Variants in TRPC7 observed in about 807,000 individuals in gnomAD.
TRPC7 encodes transient receptor potential cation channel subfamily C member 7, also known as short transient receptor potential channel 7.
In TRPC7, 42 loss-of-function variants were observed where a neutral mutation model predicts 90.1. The observed-to-expected ratio is 0.47, with a 90% CI of 0.36 to 0.60. The LOEUF is 0.60. TRPC7 is among the 20% of genes least tolerant of loss of function. The pLI is 0.00. For missense variants in TRPC7, 955 were observed against 1,112.3 expected, an observed-to-expected ratio of 0.86 and a Z score of 2.01; for synonymous variants, 451 against 436.3, an observed-to-expected ratio of 1.03 and a Z score of -0.42.
At chr5:136,223,974 A>G (rs538210164) in intron 10 of TRPC7, among the ~76,000 whole-genome samples, 1 of 152,338 alleles carries the variant, frequency 6.6e-6, no homozygotes, top group South Asian at 2.1e-4. Context: ...ATCTGATAGA[A>G]CTATAAGCTC....
At chr5:136,271,010 G>A (rs1757193753) in intron 4 of TRPC7, among the ~76,000 whole-genome samples, 1 of 152,168 alleles carries the variant, frequency 6.6e-6, no homozygotes. Context: ...CTCCTCTCCT[G>A]GTTGGCCCCT....
At chr5:136,273,458 G>T (rs1193674712) in intron 4 of TRPC7, among the ~76,000 whole-genome samples, 3 of 152,130 alleles carry the variant, frequency 2.0e-5, no homozygotes, top group African/African-American at 7.2e-5. Context: ...TCAGTAAGAG[G>T]GCTTCCATTC....
At chr5:136,232,392 C>T (rs1022497325) in intron 7 of TRPC7, among the ~76,000 whole-genome samples, 5 of 152,170 alleles carry the variant, frequency 3.3e-5, no homozygotes, top group Admixed American at 1.3e-4. Flanking sequence ...AGCTCTGTGG[C>T]GGGCTCTCAT....
At chr5:136,275,938 C>T (rs1757351469) in intron 3 of TRPC7, among the ~76,000 whole-genome samples, 1 of 152,118 alleles carries the variant, frequency 6.6e-6, no homozygotes, top group African/African-American at 2.4e-5. Flanking sequence ...AGTGTTTGAC[C>T]TCTTTAGGGC....
At position 136,244,775 on chromosome 5, in the gene TRPC7, T is replaced by C. The variant is rs187456051; in HGVS notation, c.1844+2696A>G. On this transcript the variant is annotated intron_variant, in intron 7 of 11. Coordinates refer to ENST00000513104, the MANE Select transcript of TRPC7 (RefSeq NM_020389.3). ...GCTTTTGGGTGATTGAAACTTATTC[T>C]ATTCCTTCAGCAGTTAATCACTAAG... 2.4e-3 allele frequency among the ~76,000 whole-genome samples: 369 copies of C among 152,346 alleles called. 1 individual carries two copies. The highest frequency in any genetic ancestry group is 8.5e-3 in the African/African-American group (354 of 41,574).
At chr5:136,272,385 A>T (rs932726014) in intron 4 of TRPC7, among the ~76,000 whole-genome samples, 5 of 152,220 alleles carry the variant, frequency 3.3e-5, no homozygotes, top group Non-Finnish European at 5.9e-5. Context: ...ATTCCCAGTA[A>T]TATCTCTGCC....
chr5:136,359,042 A>T (rs913495301), intron 1 of TRPC7, among the ~76,000 whole-genome samples: 10 of 152,256 alleles, frequency 6.6e-5, no homozygotes, highest in African/African-American at 2.4e-4. Context: ...TCAAACAAAA[A>T]TGATCACAGA....
At position 136,356,810 on chromosome 5, in the gene TRPC7, G is replaced by A. The variant is rs1455577306; in HGVS notation, c.578C>T (p.Pro193Leu). The change falls in exon 2 of 12, where the codon CCC (proline) becomes CTC (leucine). Residue 193 changes from proline (P) to leucine (L), a missense_variant. By Grantham distance (98) the Pro-to-Leu change is moderately conservative. Around this residue, in one of 4 missense-constraint regions of TRPC7, gnomAD observed 484 missense variants for 509.6 expected, o/e 0.95. Transcript: ENST00000513104. ...LLLKGARIER[P>L]HDYFCKCNEC... The stretch of plus-strand genomic sequence containing the variant: ...ATTGCACTTGCAGAAGTAGTCGTGG[G>A]GCCGCTCGATGCGGGCGCCCTTGAG... 6.2e-7 allele frequency: 1 copy of A among 1,613,346 alleles called. No homozygotes were observed. Among genetic ancestry groups the A allele is most frequent in the South Asian group, 1.1e-5 (1 of 91,060 alleles).
At chr5:136,346,930 T>A (rs1580981516) in intron 2 of TRPC7, among the ~76,000 whole-genome samples, 1 of 152,208 alleles carries the variant, frequency 6.6e-6, no homozygotes, top group African/African-American at 2.4e-5. Context: ...TAAGATGAAG[T>A]CCTATTGAAA....
At chr5:136,275,563 G>C (rs1324370210) in intron 3 of TRPC7, among the ~76,000 whole-genome samples, 1 of 152,086 alleles carries the variant, frequency 6.6e-6, no homozygotes, top group Non-Finnish European at 1.5e-5. Flanking sequence ...CCACGGAGTA[G>C]CTTCCTTCTG....
chr5:136,236,216 A>C (rs1755974217), intron 7 of TRPC7, among the ~76,000 whole-genome samples: 1 of 152,210 alleles, frequency 6.6e-6, no homozygotes, highest in African/African-American at 2.4e-5. Flanking sequence ...CAAGCCCAGT[A>C]AGATAAGAGA....
Position 136,365,164 on chromosome 5 carries a change from T to C in TRPC7, c.2+89A>G, listed in dbSNP as rs185100848. The C allele has an allele frequency of 1.1e-5, 16 of 1,408,692 alleles. No individual in the cohort carries two copies. In the Admixed American group the frequency reaches 2.4e-4, roughly 21 times the overall value. The allele number at this position is 1,408,692 out of a possible 1,614,324, so 87.3% of individuals were successfully genotyped here. On this transcript the variant is annotated intron_variant, in intron 1 of 11. Coordinates refer to ENST00000513104, the MANE Select transcript of TRPC7 (RefSeq NM_020389.3). ...CAGTGCACTAGAGGAAGAAGGCTGA[T>C]AAATGAAAGTTCAATTACATATTTT...
At chr5:136,319,390 C>A (rs929420556) in intron 2 of TRPC7, among the ~76,000 whole-genome samples, 1 of 151,850 alleles carries the variant, frequency 6.6e-6, no homozygotes, top group African/African-American at 2.4e-5. Context: ...GGCAATCTTC[C>A]TTTCTCTCTC....
At chr5:136,311,175 T>A (rs1260476361) in intron 3 of TRPC7, among the ~76,000 whole-genome samples, 1 of 152,080 alleles carries the variant, frequency 6.6e-6, no homozygotes, top group Non-Finnish European at 1.5e-5. Context: ...CAAAGTTTTC[T>A]TGCAGTGACT....
At chr5:136,253,785 A>C (rs1361575720) in intron 5 of TRPC7, among the ~76,000 whole-genome samples, 8 of 152,128 alleles carry the variant, frequency 5.3e-5, no homozygotes, top group African/African-American at 1.9e-4. Context: ...AGTGAAAGGA[A>C]GAGTTGCATT....
At chr5:136,216,378 C>G in intron 10 of TRPC7, 103 bp from the exon 11 acceptor site, 1 of 861,540 alleles carries the variant, frequency 1.2e-6, no homozygotes, top group South Asian at 1.5e-5. Flanking sequence ...GCCTCAGCAA[C>G]CATGGCGACC....
intron 2 of TRPC7, among the ~76,000 whole-genome samples, chr5:136,318,801 C>T (rs1440029893): frequency 6.6e-6 from 1 of 152,150 alleles, no homozygotes; most frequent in East Asian, 1.9e-4. Context: ...TCCTTTGATT[C>T]CACCTTCCTT....
chr5:136,358,739 C>A (rs1271411418), intron 1 of TRPC7, among the ~76,000 whole-genome samples: 2 of 152,162 alleles, frequency 1.3e-5, no homozygotes, highest in Admixed American at 1.3e-4. Context: ...AGGGGCTGGA[C>A]CAGGTGTTTC....
chr5:136,287,144 C>T (rs1343001704), intron 3 of TRPC7, among the ~76,000 whole-genome samples: 1 of 152,126 alleles, frequency 6.6e-6, no homozygotes, highest in African/African-American at 2.4e-5. Context: ...AATAACCTTC[C>T]TGGGAGATGA....
Sources: gnomAD v4.1 joint callset for allele counts (sites outside exome capture counted in the v4.1 genomes callset) on GRCh38, gnomAD v4.1.1 for gene constraint, gnomAD v4.1.1 regional missense constraint, MANE v1.5 for transcripts, NCBI Gene and HGNC (gene_info 2026-07-23, HGNC 2026-07-21) for gene names.